COLEC12: variants seen among roughly 807,000 people sequenced by gnomAD.
COLEC12 encodes the protein collectin subfamily member 12.
A neutral mutation model predicts 71.1 loss-of-function variants in COLEC12; 33 were observed. The observed-to-expected ratio is 0.46, with a 90% CI of 0.35 to 0.62. The LOEUF is 0.62. Ranked by LOEUF, COLEC12 falls within the 20% of genes least tolerant of loss-of-function variation. The pLI, the probability that COLEC12 is intolerant of heterozygous loss-of-function variation, is 0.00. For missense variants in COLEC12, 765 were observed against 916.1 expected (o/e 0.84, Z 2.13); for synonymous variants, 350 against 353.0 (o/e 0.99, Z 0.10).
At chr18:407,130 C>CA (rs1212575807) in intron 2 of COLEC12, among the ~76,000 whole-genome samples, 4 of 152,368 alleles carry the variant, frequency 2.6e-5, no homozygotes, top group African/African-American at 9.6e-5. Flanking sequence ...TGCCCTGTGT[C>CA]AGTGTTGAGG....
intron 2 of COLEC12, among the ~76,000 whole-genome samples, chr18:460,897 TTA>T (rs1424103806): frequency 1.3e-5 from 2 of 152,220 alleles, no homozygotes; most frequent in Non-Finnish European, 2.9e-5. Context: ...CCGTATCCAA[TTA>T]TCACAGGACT....
At chr18:446,594 A>C (rs1414182986) in intron 2 of COLEC12, among the ~76,000 whole-genome samples, 2 of 151,154 alleles carry the variant, frequency 1.3e-5, no homozygotes, top group African/African-American at 4.9e-5. Flanking sequence ...GCATGGGAGC[A>C]CACACCTGGG....
At chr18:378,268 G>C (rs1031097713) in intron 2 of COLEC12, among the ~76,000 whole-genome samples, 1 of 152,158 alleles carries the variant, frequency 6.6e-6, no homozygotes, top group Non-Finnish European at 1.5e-5. Context: ...AGGGCACCCT[G>C]CACAGCGCTG....
At chr18:422,084 G>A (rs993057641) in intron 2 of COLEC12, among the ~76,000 whole-genome samples, 3 of 152,170 alleles carry the variant, frequency 2.0e-5, no homozygotes, top group Non-Finnish European at 2.9e-5. Context: ...ACACTGTCAT[G>A]TCTGTCCAGC....
At chr18:470,577 T>A (rs751595290) in intron 2 of COLEC12, among the ~76,000 whole-genome samples, 2 of 151,436 alleles carry the variant, frequency 1.3e-5, no homozygotes, top group Non-Finnish European at 2.9e-5. Context: ...CAAGACCCTG[T>A]CTCTAAAAAA....
Position 436,531 on chromosome 18 carries a change from G to T in COLEC12, c.58+44176C>A, listed in dbSNP as rs1239384393. Among the ~76,000 whole-genome samples, 154 of 142,104 alleles carry T rather than the reference G, an allele frequency of 1.1e-3. 5 individuals are homozygous for T. Among genetic ancestry groups the T allele is most frequent in the African/African-American group, 3.6e-3 (143 of 39,550 alleles). The allele number at this position is 142,104 out of a possible 152,430, so 93.2% of individuals were successfully genotyped here. ...ACTCCATCTCAAAAAAAAAAGGGGG[G>T]GGGGGGGGAAACAGGGGTGGCTTTC... On this transcript the variant is annotated intron_variant, in intron 2 of 9. Coordinates refer to ENST00000400256, the MANE Select transcript of COLEC12 (RefSeq NM_130386.3).
intron 2 of COLEC12, among the ~76,000 whole-genome samples, chr18:380,710 T>C (rs1479136176): frequency 6.6e-6 from 1 of 152,130 alleles, no homozygotes; most frequent in Non-Finnish European, 1.5e-5. Context: ...CCAGTGATAA[T>C]ATGGATGTGA....
rs537894792 is a variant in COLEC12 at position 338,626 on chromosome 18, C to A, written c.1328-3396G>T. On this transcript the variant is annotated intron_variant, in intron 5 of 9. Coordinates refer to ENST00000400256, the MANE Select transcript of COLEC12 (RefSeq NM_130386.3). ...ATAGCCTATGCCATTTAGTAAAGAT[C>A]GGGAAGGTAGACTTTTTGCTGCCAG... 9.2e-5 allele frequency among the ~76,000 whole-genome samples: 14 copies of A among 152,178 alleles called. No homozygotes were observed. The South Asian group carries it at 1.0e-3, about 11-fold the overall frequency.
At chr18:340,693 T>G (rs1028095726) in intron 5 of COLEC12, among the ~76,000 whole-genome samples, 1 of 152,234 alleles carries the variant, frequency 6.6e-6, no homozygotes. Context: ...GATTGGAAGA[T>G]AGACAAGGTA....
Position 320,028 on chromosome 18 carries a change from G to A in COLEC12, c.*17C>T, listed in dbSNP as rs773989675. The A allele has an allele frequency of 1.6e-5, 25 of 1,519,540 alleles. No individual in the cohort carries two copies. The South Asian group carries it at 3.0e-4, about 18-fold the overall frequency. 94.1% of individuals were successfully genotyped at this position (1,519,540 alleles called of 1,614,324 possible). A position where few individuals can be genotyped will look rare whatever the true frequency, so the allele number is the denominator to read the frequency against. On this transcript the variant is annotated 3_prime_UTR_variant, in exon 10 of 10. Coordinates refer to ENST00000400256, the MANE Select transcript of COLEC12 (RefSeq NM_130386.3). ...TTGAGAGCTGAAAATTTGCTCATGT[G>A]ATCCCATCACAGTCCGTTATAATGC...
intron 2 of COLEC12, among the ~76,000 whole-genome samples, chr18:379,644 T>C (rs2186831): frequency 0.19 from 29,597 of 152,094 alleles, 3,112 homozygotes; most frequent in Admixed American, 0.28. Context: ...ATTGTTCCAC[T>C]AAGTAGTGGC....
chr18:374,299 T>C (rs1392962760), intron 2 of COLEC12, among the ~76,000 whole-genome samples: 1 of 152,200 alleles, frequency 6.6e-6, no homozygotes, highest in Non-Finnish European at 1.5e-5. Flanking sequence ...TTATGGACTT[T>C]TAATATTAGG....
intron 2 of COLEC12, among the ~76,000 whole-genome samples, chr18:430,993 C>T (rs1916291775): frequency 6.6e-6 from 1 of 151,942 alleles, no homozygotes; most frequent in African/African-American, 2.4e-5. Context: ...CTGGCCCACA[C>T]ATTTTATTTT....
intron 2 of COLEC12, among the ~76,000 whole-genome samples, chr18:402,706 T>C (rs756649289): frequency 3.3e-5 from 5 of 151,882 alleles, no homozygotes; most frequent in Admixed American, 1.3e-4. Flanking sequence ...CTGCGAAAGT[T>C]TGTTCCTTGC....
At chr18:483,996 C>G (rs1019194995) in intron 1 of COLEC12, among the ~76,000 whole-genome samples, 2 of 152,164 alleles carry the variant, frequency 1.3e-5, no homozygotes, top group Non-Finnish European at 2.9e-5. Flanking sequence ...CTGTGGGCCA[C>G]AGAAACATCA....
intron 2 of COLEC12, among the ~76,000 whole-genome samples, chr18:453,656 G>C (rs1267998493): frequency 2.0e-5 from 3 of 152,244 alleles, no homozygotes; most frequent in Middle Eastern, 3.4e-3. Context: ...CAGTCCCTGG[G>C]CTCTATGCTA....
At chr18:332,985 A>G (rs1448663909) in intron 7 of COLEC12, 22 bp downstream of exon 7, 1 of 1,543,228 alleles carries the variant, frequency 6.5e-7, no homozygotes, top group Non-Finnish European at 8.7e-7. Context: ...GTTTTCCCCA[A>G]CCAAGTATGT....
intron 2 of COLEC12, among the ~76,000 whole-genome samples, chr18:358,816 C>T (rs1383023370): frequency 6.6e-6 from 1 of 152,160 alleles, no homozygotes; most frequent in African/African-American, 2.4e-5. Context: ...TGACAGGCAA[C>T]TTTATTTCTG....
At chr18:396,418 A>G (rs1915573295) in intron 2 of COLEC12, among the ~76,000 whole-genome samples, 1 of 152,190 alleles carries the variant, frequency 6.6e-6, no homozygotes, top group Non-Finnish European at 1.5e-5. Context: ...ACAACACCGA[A>G]TCTACTAGCC....
Sources: allele counts gnomAD v4.1 joint callset (sites outside exome capture counted in the v4.1 genomes callset), GRCh38; gene constraint gnomAD v4.1.1; transcripts MANE v1.5; gene names NCBI Gene and HGNC (gene_info 2026-07-23, HGNC 2026-07-21).